Variants in HTR3B observed in about 807,000 individuals in gnomAD.
HTR3B encodes the protein 5-hydroxytryptamine receptor 3B.
In HTR3B, 44 loss-of-function variants were observed where a neutral mutation model predicts 42.8. That is an observed-to-expected ratio of 1.03 (90% confidence interval 0.81 to 1.32). HTR3B has a LOEUF of 1.32. Ranked by LOEUF, HTR3B falls within the 40% of genes most tolerant of loss-of-function variation. The pLI is 0.00. For missense variants in HTR3B, 527 were observed against 536.5 expected (o/e 0.98, Z 0.17); for synonymous variants, 203 against 209.0 (o/e 0.97, Z 0.25).
intron 6 of HTR3B, among the ~76,000 whole-genome samples, chr11:113,940,045 C>A (rs1050532458): frequency 3.9e-5 from 6 of 152,066 alleles, no homozygotes; most frequent in African/African-American, 1.2e-4. Flanking sequence ...TGCCACCACA[C>A]CTGGCTGATT....
upstream of HTR3B, among the ~76,000 whole-genome samples, chr11:113,903,327 G>A (rs1213382413): frequency 1.3e-5 from 2 of 152,072 alleles, no homozygotes; most frequent in Admixed American, 1.3e-4. Flanking sequence ...TACTATTGGG[G>A]TGTCATTCTC....
chr11:113,929,905 G>A (rs1457793190), intron 2 of HTR3B, among the ~76,000 whole-genome samples: 1 of 151,958 alleles, frequency 6.6e-6, no homozygotes, highest in Admixed American at 6.6e-5. Context: ...GCTAATTTTT[G>A]TATTTTTTAG....
At chr11:113,940,904 C>G (rs553981008) in intron 6 of HTR3B, among the ~76,000 whole-genome samples, 2 of 152,316 alleles carry the variant, frequency 1.3e-5, no homozygotes, top group East Asian at 3.9e-4. Flanking sequence ...ACTCAGAGGT[C>G]TGGTCAGGTC....
chr11:113,929,564 T>C (rs60600796), intron 2 of HTR3B, among the ~76,000 whole-genome samples: 8,058 of 152,144 alleles, frequency 0.053, 273 homozygotes, highest in African/African-American at 0.081. Flanking sequence ...TCCCTATAAG[T>C]CCTGTCTCCA....
At position 113,946,700 on chromosome 11, in the gene HTR3B, C is replaced by T. The variant is rs1203321903; in HGVS notation, c.*563C>T. ...TTCCTTCTTATCCCAGTCCACTCAC[C>T]CAAAGCAACCACTGTTAGTAATTTC... is the stretch of plus-strand genomic sequence containing the variant. On this transcript the variant is annotated 3_prime_UTR_variant, in exon 9 of 9. Coordinates refer to ENST00000260191, the MANE Select transcript of HTR3B (RefSeq NM_006028.5). The T allele has an allele frequency of 6.6e-6, 1 of 152,234 alleles. No homozygotes were observed. The highest frequency in any genetic ancestry group is 1.5e-5 in the Non-Finnish European group (1 of 68,086). 9.4% of individuals were successfully genotyped at this position (152,234 alleles called of 1,614,324 possible). A position where few individuals can be genotyped will look rare whatever the true frequency, so the allele number is the denominator to read the frequency against.
intron 2 of HTR3B, among the ~76,000 whole-genome samples, chr11:113,916,457 T>C (rs761344323): frequency 1.2e-4 from 19 of 152,352 alleles, no homozygotes; most frequent in African/African-American, 4.3e-4. Flanking sequence ...TGTAGCATTA[T>C]GGAAGTCTTG....
intron 2 of HTR3B, among the ~76,000 whole-genome samples, chr11:113,914,691 C>A (rs1160527696): frequency 6.6e-6 from 1 of 151,760 alleles, no homozygotes; most frequent in Non-Finnish European, 1.5e-5. Flanking sequence ...ATATATTACA[C>A]GTTTGTTGAT....
chr11:113,909,275 A>C lies in HTR3B; in HGVS notation c.53-20A>C. 6.2e-7 allele frequency: 1 copy of C among 1,603,646 alleles called. No homozygotes were observed. Among genetic ancestry groups the C allele is most frequent in the Non-Finnish European group, 8.5e-7 (1 of 1,170,666 alleles). ...AAGCTCCTCTTACTTTTATCTTCAC[A>C]ATGATAGTTTATTTTCCAGGAATTC... On this transcript the variant is annotated intron_variant, in intron 1 of 8. Coordinates refer to ENST00000260191, the MANE Select transcript of HTR3B (RefSeq NM_006028.5).
intron 8 of HTR3B, 23 bp downstream of exon 8, chr11:113,944,778 C>T (rs760509237): frequency 2.6e-5 from 42 of 1,607,860 alleles, no homozygotes; most frequent in Non-Finnish European, 3.5e-5. Context: ...CCTTGTGTTT[C>T]TCCCCCGTCT....
chr11:113,943,166 G>C lies in HTR3B; in HGVS notation c.881G>C (p.Arg294Pro), dbSNP rs145795113. 2.7e-4 allele frequency: 429 copies of C among 1,613,760 alleles called. 1 individual carries two copies. The African/African-American group carries it at 5.2e-3, about 20-fold the overall frequency. The change falls in exon 7 of 9, where the codon CGG becomes CCG. Residue 294 changes from arginine (R) to proline (P), a missense_variant. Transcript: ENST00000260191. ...GTCAACATGTCCAACCAGGTGCCAC[G>C]GAGTGTAGGGAGCACCCCTCTGATT... Reference protein sequence around the residue: ...FRVNMSNQVPRSVGSTPLIGH... With the variant: ...FRVNMSNQVPPSVGSTPLIGH...
chr11:113,912,730 T>C (rs1036913129), intron 2 of HTR3B, among the ~76,000 whole-genome samples: 1 of 152,190 alleles, frequency 6.6e-6, no homozygotes, highest in Non-Finnish European at 1.5e-5. Flanking sequence ...TTTTTAATTT[T>C]AGTCATTCTA....
rs1950193442 is a variant in HTR3B at position 113,948,150 on chromosome 11, AACCTCC to A, written c.*2018_*2023del. On this transcript the variant is annotated 3_prime_UTR_variant, in exon 9 of 9. Coordinates refer to ENST00000260191, the MANE Select transcript of HTR3B (RefSeq NM_006028.5). ...TTTGTGAACAGGAAGTGTCCATGCAAACCTCCACCTGTTTCCTTCCTCACTTCCTAC... is the reference window on the plus strand; with the variant it reads ...TTTGTGAACAGGAAGTGTCCATGCAAACCTGTTTCCTTCCTCACTTCCTAC... 6.6e-6 allele frequency among the ~76,000 whole-genome samples: 1 copy of A among 152,154 alleles called. No homozygotes were observed. The highest frequency in any genetic ancestry group is 2.4e-5 in the African/African-American group (1 of 41,442).
At chr11:113,925,071 A>G (rs1463791789) in intron 2 of HTR3B, among the ~76,000 whole-genome samples, 1 of 152,196 alleles carries the variant, frequency 6.6e-6, no homozygotes, top group African/African-American at 2.4e-5. Context: ...GCCACTGTGT[A>G]GTCTCTGTTC....
chr11:113,905,492 A>G (rs531964574), intron 1 of HTR3B, among the ~76,000 whole-genome samples: 1 of 152,320 alleles, frequency 6.6e-6, no homozygotes, highest in Non-Finnish European at 1.5e-5. Flanking sequence ...CAAAATCTAT[A>G]TAGGTGATGA....
In HTR3B at chr11:113,919,148, A is replaced by G. The variant is rs1336430827; in HGVS notation, c.213+9693A>G. 2.0e-5 allele frequency among the ~76,000 whole-genome samples: 3 copies of G among 152,082 alleles called. No homozygotes were observed. The East Asian group carries it at 5.8e-4, about 29-fold the overall frequency. The stretch of plus-strand genomic sequence containing the variant: ...TAGTTCCTCTATTAGCTTTTTAGCG[A>G]TCCATCTTTGTATTTTTTTTAGACT... On this transcript the variant is annotated intron_variant, in intron 2 of 8. Transcript: ENST00000260191.
chr11:113,941,630 G>A (rs1426458041), intron 6 of HTR3B, among the ~76,000 whole-genome samples: 2 of 152,070 alleles, frequency 1.3e-5, no homozygotes, highest in African/African-American at 4.8e-5. Context: ...TGCAAAGATG[G>A]GACCACTGGT....
At position 113,905,664 on chromosome 11, in the gene HTR3B, C is replaced by T. The variant is rs145112052; in HGVS notation, c.52+679C>T. ...GAATTGAATCATTTTAGTTAGGATA[C>T]AATTGATTCTTAGTACATGCGCACA... is the stretch of plus-strand genomic sequence containing the variant. On this transcript the variant is annotated intron_variant, in intron 1 of 8. Transcript: ENST00000260191. Among the ~76,000 whole-genome samples, 553 of 152,208 alleles carry T rather than the reference C, an allele frequency of 3.6e-3. 7 individuals carry two copies. The highest frequency in any genetic ancestry group is 0.012 in the African/African-American group (491 of 41,540).
intron 2 of HTR3B, among the ~76,000 whole-genome samples, chr11:113,911,054 C>T (rs1949787955): frequency 6.6e-6 from 1 of 150,848 alleles, no homozygotes; most frequent in Non-Finnish European, 1.5e-5. Flanking sequence ...TCTCGATCTC[C>T]TGACCTCGTG....
chr11:113,932,249 A>T (rs780136884), intron 4 of HTR3B, 40 bp from the exon 5 acceptor site: 2 of 1,543,698 alleles, frequency 1.3e-6, no homozygotes, highest in Admixed American at 3.5e-5. Context: ...AATGACCAAC[A>T]TCCTCTCTGT....
Sources: gnomAD v4.1 joint callset for allele counts (sites outside exome capture counted in the v4.1 genomes callset) on GRCh38, gnomAD v4.1.1 for gene constraint, MANE v1.5 for transcripts, NCBI Gene and HGNC (gene_info 2026-07-23, HGNC 2026-07-21) for gene names.